FGF2: variants seen among roughly 807,000 people sequenced by gnomAD.
FGF2 encodes the protein basic fibroblast growth factor bFGF.
A neutral mutation model predicts 15.9 loss-of-function variants in FGF2; 13 were observed. That is an observed-to-expected ratio of 0.82 (90% CI 0.53 to 1.30). FGF2 has a LOEUF of 1.30. Among genes scored for constraint, FGF2 ranks in the 50% most tolerant of loss-of-function variants. FGF2 has a pLI of 0.00. For synonymous variants in FGF2, 90 were observed against 78.4 expected (o/e 1.15, Z -0.78); for missense variants, 163 against 196.9 (o/e 0.83, Z 1.03).
intron 1 of FGF2, among the ~76,000 whole-genome samples, chr4:122,866,900 T>A (rs563456337): frequency 6.6e-6 from 1 of 152,344 alleles, no homozygotes; most frequent in South Asian, 2.1e-4. Flanking sequence ...GCAACGTTAT[T>A]TACGTAGCCA....
At chr4:122,865,448 G>T in intron 1 of FGF2, among the ~76,000 whole-genome samples, 1 of 152,020 alleles carries the variant, frequency 6.6e-6, no homozygotes, top group Non-Finnish European at 1.5e-5. Flanking sequence ...ATGCCACCAT[G>T]CCTGGCTAAT....
rs73844938 is a variant in FGF2, at chr4:122,837,184, C to T, written c.178+9832C>T. Among the ~76,000 whole-genome samples the T allele has an allele frequency of 7.3e-3, 1,107 of 152,278 alleles. 9 individuals carry two copies. The highest frequency in any genetic ancestry group is 0.025 in the African/African-American group (1,030 of 41,548). ...GTATTCATCACAACAATCTGAAAAA[C>T]TCTTAAGAGGATAGAAATTGTATGA... On this transcript the variant is annotated intron_variant, in intron 1 of 2. Coordinates refer to ENST00000644866, the MANE Select transcript of FGF2 (RefSeq NM_001361665.2).
intron 1 of FGF2, among the ~76,000 whole-genome samples, chr4:122,831,414 CTT>C (rs1725763714): frequency 6.6e-6 from 1 of 152,180 alleles, no homozygotes; most frequent in Non-Finnish European, 1.5e-5. Flanking sequence ...CTTTCCATCT[CTT>C]CACTACTGCC....
intron 1 of FGF2, among the ~76,000 whole-genome samples, chr4:122,829,926 A>C (rs1180082912): frequency 6.6e-6 from 1 of 152,212 alleles, no homozygotes; most frequent in East Asian, 1.9e-4. Context: ...CAAAACAAAT[A>C]AAACTGACCA....
At chr4:122,883,111 C>T (rs911849860) in intron 2 of FGF2, 6 of 152,200 alleles carry the variant, frequency 3.9e-5, no homozygotes, top group African/African-American at 1.4e-4. Flanking sequence ...AGGCATAGTC[C>T]TTCCCACTCT....
At position 122,893,072 on chromosome 4, in the gene FGF2, A is replaced by C; in HGVS notation, c.*676A>C. On this transcript the variant is annotated 3_prime_UTR_variant, in exon 3 of 3. Coordinates refer to ENST00000644866, the MANE Select transcript of FGF2 (RefSeq NM_001361665.2). The stretch of plus-strand genomic sequence containing the variant: ...TAAGCATTCTTCCTGGCAAAAATTT[A>C]TGGTGAATGAATATGGCTTTAGGCG... 1 of 1,614,184 alleles carries C rather than the reference A, an allele frequency of 6.2e-7. No individual in the cohort carries two copies. The highest frequency in any genetic ancestry group is 1.1e-5 in the South Asian group (1 of 91,080).
At chr4:122,876,501 A>G (rs1331537935) in intron 2 of FGF2, 77 bp downstream of exon 2, 2 of 901,876 alleles carry the variant, frequency 2.2e-6, no homozygotes, top group Non-Finnish European at 3.7e-6. Context: ...TTGTTTATCA[A>G]ATCTTTATAA....
rs1269402027 is a variant in FGF2, at chr4:122,827,428, C to A, written c.178+76C>A. ...CCCGCTCTCTCCCCTCCAGCCTGCA[C>A]CCTCCTCCCGGATCTTCACTGCGAC... On this transcript the variant is annotated intron_variant, in intron 1 of 2. Transcript: ENST00000644866. This position sits in a 1 kb window ranked among gnomAD's most constrained non-coding sequence, Gnocchi z 4.2. 6.6e-7 allele frequency: 1 copy of A among 1,522,114 alleles called. No homozygotes were observed. Among genetic ancestry groups the A allele is most frequent in the Non-Finnish European group, 9.1e-7 (1 of 1,103,344 alleles). 94.3% of individuals were successfully genotyped at this position (1,522,114 alleles called of 1,614,324 possible). A position where few individuals can be genotyped will look rare whatever the true frequency, so the allele number is the denominator to read the frequency against.
intron 1 of FGF2, 100 bp from the exon 2 acceptor site, chr4:122,876,221 G>C (rs1726842535): frequency 1.3e-6 from 1 of 772,900 alleles, no homozygotes; most frequent in Non-Finnish European, 2.3e-6. Flanking sequence ...AAGTGGATTA[G>C]TTGTTGCTTA....
chr4:122,856,016 C>T (rs1268585855), intron 1 of FGF2, among the ~76,000 whole-genome samples: 1 of 152,010 alleles, frequency 6.6e-6, no homozygotes, highest in Non-Finnish European at 1.5e-5. Flanking sequence ...GGCAGGATAG[C>T]CCACAGACCA....
chr4:122,851,563 G>A (rs1478348591), intron 1 of FGF2, among the ~76,000 whole-genome samples: 2 of 152,192 alleles, frequency 1.3e-5, no homozygotes, highest in East Asian at 1.9e-4. Flanking sequence ...CTTAAATGTG[G>A]CTCTAGTAGA....
intron 2 of FGF2, chr4:122,882,495 G>A (rs1328819316): frequency 1.3e-5 from 2 of 152,170 alleles, no homozygotes; most frequent in Non-Finnish European, 2.9e-5. Flanking sequence ...AAGTTTTCTA[G>A]TTTCATTCTT....
In FGF2 at chr4:122,892,269, C is replaced by T; in HGVS notation, c.341C>T (p.Thr114Ile). The change falls in exon 3 of 3, where the codon ACT becomes ATT. Residue 114 changes from threonine to isoleucine, a missense_variant. Thr to Ile is a moderately conservative substitution (Grantham distance 89). Transcript: ENST00000644866. Reference sequence around the variant, plus strand: ...CGATTGGAATCTAATAACTACAATACTTACCGGTCAAGGAAATACACCAGT... The same window carrying T: ...CGATTGGAATCTAATAACTACAATATTTACCGGTCAAGGAAATACACCAGT... ...FERLESNNYN[T>I]YRSRKYTSWY... 6.2e-7 allele frequency: 1 copy of T among 1,613,684 alleles called. No homozygotes were observed. Among genetic ancestry groups the T allele is most frequent in the Non-Finnish European group, 8.5e-7 (1 of 1,179,654 alleles).
chr4:122,876,362 A>C lies in FGF2; in HGVS notation c.220A>C (p.Ile74Leu). Residue 74 changes from isoleucine (I) to leucine (L), a missense_variant, in exon 2 of 3, where the codon ATC becomes CTC. Transcript: ENST00000644866. The stretch of plus-strand genomic sequence containing the variant: ...AGCAGAAGAGAGAGGAGTTGTGTCT[A>C]TCAAAGGAGTGTGTGCTAACCGTTA... ...LQAEERGVVS[I>L]KGVCANRYLA... 1 of 1,613,598 alleles carries C rather than the reference A, an allele frequency of 6.2e-7. No individual in the cohort carries two copies. The highest frequency in any genetic ancestry group is 8.5e-7 in the Non-Finnish European group (1 of 1,179,666).
At chr4:122,830,160 C>A (rs899247079) in intron 1 of FGF2, among the ~76,000 whole-genome samples, 1 of 152,128 alleles carries the variant, frequency 6.6e-6, no homozygotes, top group Non-Finnish European at 1.5e-5. Context: ...CAAGTTCAAC[C>A]ATTATCAGAT....
intron 1 of FGF2, among the ~76,000 whole-genome samples, chr4:122,861,358 A>T (rs1170645538): frequency 6.6e-6 from 1 of 152,194 alleles, no homozygotes; most frequent in Non-Finnish European, 1.5e-5. Flanking sequence ...CTGTGTCTGA[A>T]GGGAACATAT....
chr4:122,853,677 G>A (rs17472986), intron 1 of FGF2, among the ~76,000 whole-genome samples: 13,770 of 152,172 alleles, frequency 0.09, 707 homozygotes, highest in Admixed American at 0.18. Flanking sequence ...CTTGGGTTAC[G>A]CATCCATACC....
At chr4:122,856,568 A>T (rs551200055) in intron 1 of FGF2, among the ~76,000 whole-genome samples, 31 of 152,342 alleles carry the variant, frequency 2.0e-4, no homozygotes, top group Middle Eastern at 6.8e-3. Context: ...GATTTAAAAT[A>T]TTAATTATTA....
chr4:122,859,416 G>T (rs1726410252), intron 1 of FGF2, among the ~76,000 whole-genome samples: 1 of 152,086 alleles, frequency 6.6e-6, no homozygotes, highest in Non-Finnish European at 1.5e-5. Context: ...TATTCTGTAG[G>T]TAAAGAACTG....
Sources: allele counts gnomAD v4.1 joint callset (sites outside exome capture counted in the v4.1 genomes callset), GRCh38; gene constraint gnomAD v4.1.1; non-coding constraint Gnocchi (gnomAD v3.1); transcripts MANE v1.5; gene names NCBI Gene and HGNC (gene_info 2026-07-23, HGNC 2026-07-21).